The following CWC22 variants were observed in gnomAD, a reference collection of about 807,000 sequenced individuals.
The protein encoded by CWC22 is CWC22 spliceosome associated protein, also known as pre-mRNA-splicing factor CWC22 homolog.
Under a neutral mutation model 117.2 loss-of-function variants are expected in CWC22, and 53 were observed. The ratio of observed to expected loss-of-function variants is 0.45; its 90% CI spans 0.36 to 0.57. The LOEUF (loss-of-function observed/expected upper bound fraction) is 0.57. Among genes scored for constraint, CWC22 ranks in the 20% least tolerant of loss-of-function variants. CWC22 has a pLI of 0.00. For synonymous variants in CWC22, 360 were observed against 355.6 expected (o/e 1.01, Z -0.14); for missense variants, 980 against 1,068.8 (o/e 0.92, Z 1.16).
chr2:179,999,135 CA>C (rs1234308324), intron 1 of CWC22, among the ~76,000 whole-genome samples: 1 of 152,010 alleles, frequency 6.6e-6, no homozygotes, highest in African/African-American at 2.4e-5. Context: ...ATAGTTCTAA[CA>C]AAAAATGAAT....
chr2:179,968,018 C>T (rs150797370), intron 11 of CWC22, among the ~76,000 whole-genome samples: 12 of 152,108 alleles, frequency 7.9e-5, no homozygotes, highest in Admixed American at 1.3e-4. Flanking sequence ...GTGAGTTCCC[C>T]GACACTTAGA....
At position 179,978,092 on chromosome 2, in the gene CWC22, G is replaced by T. The variant is rs533675251; in HGVS notation, c.581+98C>A. On this transcript the variant is annotated intron_variant, in intron 6 of 19. Coordinates refer to ENST00000410053, the MANE Select transcript of CWC22 (RefSeq NM_020943.3). ...AAATATTCTCAATGACCTTTGAAAT[G>T]AAGTAGCACAATAAATCAATGATTA... The T allele has an allele frequency of 9.7e-6, 12 of 1,238,934 alleles. No homozygotes were observed. In the South Asian group the frequency reaches 3.3e-4, roughly 34 times the overall value. 76.7% of individuals were successfully genotyped at this position (1,238,934 alleles called of 1,614,324 possible).
At chr2:179,947,692 A>G (rs549169396) in intron 19 of CWC22, among the ~76,000 whole-genome samples, 1 of 152,350 alleles carries the variant, frequency 6.6e-6, no homozygotes, top group East Asian at 1.9e-4. Flanking sequence ...ATTCATGAAT[A>G]AAAGTTCCTG....
rs75153390 is a variant in CWC22, at chr2:180,006,897, C to A, written c.-144G>T. ...TGGACCTAGCCGCTCTCACACCCCT[C>A]TTGCGGGCCCGAGCGTAGCGAGAAG... On this transcript the variant is annotated 5_prime_UTR_variant, in exon 1 of 20. Transcript: ENST00000410053. The A allele has an allele frequency of 0.016, 2,462 of 152,582 alleles. 30 individuals are homozygous for A. Among genetic ancestry groups the A allele is most frequent in the Non-Finnish European group, 0.025 (1,734 of 68,242 alleles). The allele number at this position is 152,582 out of a possible 1,614,324, so 9.5% of individuals were successfully genotyped here.
rs756338717 is a variant in CWC22 at position 179,945,444 on chromosome 2, T to C, written c.2412A>G (p.Arg804=). The C allele has an allele frequency of 1.6e-5, 26 of 1,612,882 alleles. No individual in the cohort carries two copies. Among genetic ancestry groups the C allele is most frequent in the Middle Eastern group, 1.6e-4 (1 of 6,080 alleles). The part of the protein sequence containing the change: ...RNNYSRVAND[R]DQEMHIDLEN... Reference sequence around the variant, plus strand: ...CCAAATCTATATGCATTTCTTGGTCTCTGTCATTCGCAACTCTACTGTAGT... The same window carrying C: ...CCAAATCTATATGCATTTCTTGGTCCCTGTCATTCGCAACTCTACTGTAGT... The change falls in exon 20 of 20, where the codon AGA becomes AGG. Residue 804 remains arginine (R), a synonymous_variant. Transcript: ENST00000410053.
intron 1 of CWC22, among the ~76,000 whole-genome samples, chr2:179,998,880 G>A (rs921726589): frequency 3.3e-5 from 5 of 152,006 alleles, no homozygotes; most frequent in Non-Finnish European, 7.4e-5. Context: ...TCTTACACCC[G>A]GTTCCTCTTC....
At chr2:179,945,789 T>A in intron 19 of CWC22, 74 bp from the exon 20 acceptor site, 2 of 941,216 alleles carry the variant, frequency 2.1e-6, no homozygotes, top group Non-Finnish European at 3.1e-6. Context: ...TCACATTTAC[T>A]GATACAGTGT....
intron 8 of CWC22, among the ~76,000 whole-genome samples, chr2:179,972,253 T>C (rs1053424154): frequency 5.3e-5 from 8 of 152,158 alleles, no homozygotes; most frequent in African/African-American, 1.4e-4. Flanking sequence ...CTGTTATACA[T>C]GATATTAAAT....
chr2:179,947,425 T>C (rs1686338290), intron 19 of CWC22, among the ~76,000 whole-genome samples: 1 of 152,226 alleles, frequency 6.6e-6, no homozygotes, highest in Non-Finnish European at 1.5e-5. Flanking sequence ...CTCTTCTCCG[T>C]TTGCTATGTT....
At chr2:179,974,447 C>T (rs1687107473) in intron 6 of CWC22, among the ~76,000 whole-genome samples, 1 of 151,974 alleles carries the variant, frequency 6.6e-6, no homozygotes, top group African/African-American at 2.4e-5. Flanking sequence ...AGGGGAAAGG[C>T]AAATTGGGCA....
In CWC22 at chr2:180,005,940, T is replaced by C. The variant is rs541784928; in HGVS notation, c.-114+927A>G. On this transcript the variant is annotated intron_variant, in intron 1 of 19. Transcript: ENST00000410053. ...GTCCATCACCCAGGACCAACACAAG[T>C]GGCTTTCCTCCACCTACTGATAACG... is the stretch of plus-strand genomic sequence containing the variant. Among the ~76,000 whole-genome samples the C allele has an allele frequency of 3.3e-5, 5 of 152,328 alleles. No homozygotes were observed. In the South Asian group the frequency reaches 6.2e-4, roughly 19 times the overall value.
At chr2:180,000,277 AC>A (rs1370155535) in intron 1 of CWC22, among the ~76,000 whole-genome samples, 1 of 152,234 alleles carries the variant, frequency 6.6e-6, no homozygotes, top group Non-Finnish European at 1.5e-5. Flanking sequence ...TAGAAAAGTC[AC>A]CAGGTACAGG....
intron 1 of CWC22, among the ~76,000 whole-genome samples, chr2:179,994,127 C>T (rs775973033): frequency 1.3e-5 from 2 of 152,030 alleles, no homozygotes; most frequent in Admixed American, 6.6e-5. Flanking sequence ...CTGCAAGATG[C>T]TAAATTGATA....
intron 1 of CWC22, among the ~76,000 whole-genome samples, chr2:179,999,113 T>C (rs1687781788): frequency 6.6e-6 from 1 of 152,180 alleles, no homozygotes; most frequent in Admixed American, 6.5e-5. Context: ...TATGGTAAAG[T>C]AGACTGCTAT....
rs190684565 is a variant in CWC22, at chr2:179,993,308, C to T, written c.27+7G>A. 1.9e-6 allele frequency: 3 copies of T among 1,558,320 alleles called. No individual in the cohort carries two copies. Among genetic ancestry groups the T allele is most frequent in the Admixed American group, 1.9e-5 (1 of 52,486 alleles). On this transcript the variant is annotated splice_region_variant and intron_variant, in intron 2 of 19. Coordinates refer to ENST00000410053, the MANE Select transcript of CWC22 (RefSeq NM_020943.3). Reference sequence around the variant, plus strand: ...TACATCCTCCATTTTAAGTTTCAAACACTTACTTTTATCTGTGCCACACTA... The same window carrying T: ...TACATCCTCCATTTTAAGTTTCAAATACTTACTTTTATCTGTGCCACACTA...
intron 5 of CWC22, among the ~76,000 whole-genome samples, chr2:179,979,977 C>G (rs2105538805): frequency 6.6e-6 from 1 of 152,348 alleles, no homozygotes; most frequent in Admixed American, 6.5e-5. Flanking sequence ...GTACCCTTTA[C>G]AGCCTACGAA....
At chr2:179,998,783 G>A (rs1687772983) in intron 1 of CWC22, among the ~76,000 whole-genome samples, 2 of 151,926 alleles carry the variant, frequency 1.3e-5, no homozygotes, top group Non-Finnish European at 2.9e-5. Context: ...ACTGTGACTA[G>A]GTATACTATG....
Position 179,973,693 on chromosome 2 carries a change from C to T in CWC22, c.691G>A (p.Glu231Lys). 1 of 1,611,108 alleles carries T rather than the reference C, an allele frequency of 6.2e-7. No individual in the cohort carries two copies. The highest frequency in any genetic ancestry group is 1.1e-5 in the South Asian group (1 of 90,838). ...AGAATTAACCTTTTGAGGATTAATT[C>T]TCCAATTTGTGGAAATTTTGAGTTG... ...IINSKFPQIG[E>K]LILKRLILNF... The change falls in exon 7 of 20, where the codon GAA becomes AAA. Residue 231 changes from glutamate (E) to lysine (K), a missense_variant. Around this residue, in one of 3 missense-constraint regions of CWC22, gnomAD observed 559 missense variants for 602.3 expected, o/e 0.93. Transcript: ENST00000410053.
At chr2:179,974,174 T>C (rs898217079) in intron 6 of CWC22, among the ~76,000 whole-genome samples, 1 of 152,182 alleles carries the variant, frequency 6.6e-6, no homozygotes, top group Non-Finnish European at 1.5e-5. Context: ...TTCAAAAGTA[T>C]AAAAGGTAGA....
Sources: allele counts gnomAD v4.1 joint callset (sites outside exome capture counted in the v4.1 genomes callset), GRCh38; gene constraint gnomAD v4.1.1; regional missense constraint gnomAD v4.1.1; transcripts MANE v1.5; gene names NCBI Gene and HGNC (gene_info 2026-07-23, HGNC 2026-07-21).